Variants in ASIC2 observed in about 807,000 individuals in gnomAD.
The protein encoded by ASIC2 is acid sensing ion channel subunit 2, also known as acid-sensing ion channel 2.
In ASIC2, 25 loss-of-function variants were observed where a neutral mutation model predicts 57.3. The ratio of observed to expected loss-of-function variants is 0.44; its 90% CI spans 0.32 to 0.61. ASIC2 has a LOEUF of 0.61. Among genes scored for constraint, ASIC2 ranks in the 20% least tolerant of loss-of-function variants. ASIC2 has a pLI of 0.06. For missense variants in ASIC2, 641 were observed against 738.1 expected (o/e 0.87, Z 1.52); for synonymous variants, 319 against 307.5 (o/e 1.04, Z -0.39).
At chr17:33,653,131 C>T (rs1906974422) in intron 1 of ASIC2, among the ~76,000 whole-genome samples, 1 of 152,166 alleles carries the variant, frequency 6.6e-6, no homozygotes, top group Non-Finnish European at 1.5e-5. Flanking sequence ...AAGCTTTATT[C>T]GAATGGCTGG....
intron 3 of ASIC2, among the ~76,000 whole-genome samples, chr17:33,049,265 A>C (rs1218356212): frequency 6.6e-6 from 1 of 152,186 alleles, no homozygotes; most frequent in African/African-American, 2.4e-5. Flanking sequence ...GGTGTGGCTA[A>C]AAGACTTAGC....
chr17:33,821,486 C>T (rs1299217336), intron 1 of ASIC2, among the ~76,000 whole-genome samples: 2 of 152,106 alleles, frequency 1.3e-5, no homozygotes, highest in Non-Finnish European at 2.9e-5. Flanking sequence ...TCCAGAAAGG[C>T]CCTGAAAGCC....
chr17:34,004,130 T>A (rs1906443728), intron 1 of ASIC2: 1 of 152,070 alleles, frequency 6.6e-6, no homozygotes, highest in Non-Finnish European at 1.5e-5. Flanking sequence ...TTATCTCTTA[T>A]CCTCAGCCGT....
intron 1 of ASIC2, chr17:34,146,916 A>G (rs1912436701): frequency 6.6e-6 from 1 of 152,232 alleles, no homozygotes; most frequent in Non-Finnish European, 1.5e-5. Context: ...CAGGCATATC[A>G]TGGCTCCTGA....
chr17:33,143,534 G>A (rs1186733722), intron 1 of ASIC2, among the ~76,000 whole-genome samples: 4 of 151,974 alleles, frequency 2.6e-5, no homozygotes, highest in Admixed American at 2.0e-4. Context: ...ATAGAAAATT[G>A]TCAGAATGGC....
chr17:34,064,752 C>T (rs909722013), intron 1 of ASIC2, among the ~76,000 whole-genome samples: 5 of 152,082 alleles, frequency 3.3e-5, no homozygotes, highest in African/African-American at 9.7e-5. Context: ...AGAAGATACA[C>T]AAATGCCCAA....
At chr17:33,112,948 C>T (rs1033996813) in intron 1 of ASIC2, 4 of 152,310 alleles carry the variant, frequency 2.6e-5, no homozygotes, top group Admixed American at 2.6e-4. Flanking sequence ...TGCCCTCCAC[C>T]TATTCCTCCT....
chr17:33,368,491 C>G (rs1369541994), intron 1 of ASIC2, among the ~76,000 whole-genome samples: 1 of 152,126 alleles, frequency 6.6e-6, no homozygotes, highest in Non-Finnish European at 1.5e-5. Flanking sequence ...ATTCCTGACC[C>G]AAAGAGGGCA....
intron 1 of ASIC2, among the ~76,000 whole-genome samples, chr17:33,685,122 A>T (rs896971204): frequency 6.6e-6 from 1 of 152,152 alleles, no homozygotes; most frequent in African/African-American, 2.4e-5. Flanking sequence ...GGGGGGGCTT[A>T]GTCTTTCACT....
chr17:33,572,890 C>T (rs184084989), intron 1 of ASIC2, among the ~76,000 whole-genome samples: 1 of 152,380 alleles, frequency 6.6e-6, no homozygotes, highest in Non-Finnish European at 1.5e-5. Context: ...CTGCCCTCCT[C>T]CTGCCTTCAA....
intron 1 of ASIC2, among the ~76,000 whole-genome samples, chr17:33,258,991 C>T (rs570997723): frequency 2.6e-5 from 4 of 152,094 alleles, no homozygotes; most frequent in South Asian, 2.1e-4. Flanking sequence ...AGTGAGAGAG[C>T]GAGGGTGTGT....
At chr17:33,998,613 T>C (rs191692229) in intron 1 of ASIC2, among the ~76,000 whole-genome samples, 30 of 152,322 alleles carry the variant, frequency 2.0e-4, no homozygotes, top group East Asian at 1.7e-3. Flanking sequence ...TCCCATTTTA[T>C]TTCTTCTTTA....
chr17:33,620,113 C>A (rs188863470), intron 1 of ASIC2, among the ~76,000 whole-genome samples: 12 of 151,820 alleles, frequency 7.9e-5, no homozygotes, highest in Non-Finnish European at 1.8e-4. Context: ...AAGTACCTGT[C>A]GAATTTTGAA....
At chr17:34,132,335 A>T (rs1456613515) in intron 1 of ASIC2, among the ~76,000 whole-genome samples, 1 of 152,140 alleles carries the variant, frequency 6.6e-6, no homozygotes. Context: ...TATTGTGAAG[A>T]ACAAAACAAC....
intron 1 of ASIC2, among the ~76,000 whole-genome samples, chr17:33,639,778 A>AAC (rs1555549191): frequency 6.6e-6 from 1 of 150,980 alleles, no homozygotes; most frequent in Non-Finnish European, 1.5e-5. Flanking sequence ...AAAAAAAAAA[A>AAC]GCGGAACAAA....
intron 1 of ASIC2, among the ~76,000 whole-genome samples, chr17:33,342,923 A>G (rs1450369763): frequency 1.3e-5 from 2 of 152,106 alleles, no homozygotes; most frequent in African/African-American, 4.8e-5. Context: ...ACTCGGTTGG[A>G]TGGGCCTCCA....
intron 1 of ASIC2, among the ~76,000 whole-genome samples, chr17:33,519,565 G>C (rs1246002450): frequency 6.6e-6 from 1 of 152,124 alleles, no homozygotes; most frequent in Non-Finnish European, 1.5e-5. Context: ...TAGAGTCCAG[G>C]AGTCTCCATG....
chr17:33,693,106 G>A (rs1022875816), intron 1 of ASIC2, among the ~76,000 whole-genome samples: 1 of 151,820 alleles, frequency 6.6e-6, no homozygotes, highest in Non-Finnish European at 1.5e-5. Context: ...TATCTTTTTC[G>A]TATACTAAAT....
intron 1 of ASIC2, among the ~76,000 whole-genome samples, chr17:33,125,823 G>A (rs529585436): frequency 2.0e-5 from 3 of 152,200 alleles, no homozygotes; most frequent in African/African-American, 7.2e-5. Flanking sequence ...TTTCACATCA[G>A]TTCACCCTAC....
Sources: allele counts gnomAD v4.1 joint callset (sites outside exome capture counted in the v4.1 genomes callset), GRCh38; gene constraint gnomAD v4.1.1; transcripts MANE v1.5; gene names NCBI Gene and HGNC (gene_info 2026-07-23, HGNC 2026-07-21).